The following CKAP5 variants were observed in gnomAD, a reference collection of about 807,000 sequenced individuals.
The protein encoded by CKAP5 is cytoskeleton-associated protein 5.
In CKAP5, 27 loss-of-function variants were observed where a neutral mutation model predicts 232.8. The ratio of observed to expected loss-of-function variants is 0.12; its 90% CI spans 0.09 to 0.16. CKAP5 has a LOEUF of 0.16. CKAP5 is among the 10% of genes least tolerant of loss of function. CKAP5 has a pLI of 1.00. For synonymous variants in CKAP5, 785 were observed against 841.1 expected (o/e 0.93, Z 1.16); for missense variants, 1,838 against 2,424.7 (o/e 0.76, Z 5.08).
intron 25 of CKAP5, among the ~76,000 whole-genome samples, chr11:46,770,445 T>A (rs550596512): frequency 3.9e-5 from 6 of 152,344 alleles, no homozygotes; most frequent in African/African-American, 4.8e-5. Context: ...ATATATATAT[T>A]TTTAAGACAG....
intron 23 of CKAP5, among the ~76,000 whole-genome samples, chr11:46,777,165 G>A (rs2065298769): frequency 6.6e-6 from 1 of 152,058 alleles, no homozygotes; most frequent in Non-Finnish European, 1.5e-5. Flanking sequence ...CTTACATACA[G>A]ACTCATTTAA....
chr11:46,762,491 A>C, intron 31 of CKAP5, 136 bp downstream of exon 31: 4 of 1,102,026 alleles, frequency 3.6e-6, no homozygotes, highest in East Asian at 2.4e-5. Flanking sequence ...GCAACTCATC[A>C]CTCTCACAGT....
At chr11:46,827,398 G>T (rs867167357) in intron 1 of CKAP5, among the ~76,000 whole-genome samples, 77 of 152,208 alleles carry the variant, frequency 5.1e-4, no homozygotes, top group African/African-American at 1.8e-3. Context: ...TACAAGATGG[G>T]CAGGAAGGTA....
intron 15 of CKAP5, among the ~76,000 whole-genome samples, chr11:46,789,633 A>T (rs1042864106): frequency 3.3e-5 from 5 of 151,766 alleles, no homozygotes; most frequent in Non-Finnish European, 7.4e-5. Context: ...CATCTCTACT[A>T]AAAATCCAAA....
chr11:46,784,092 G>A (rs1021077739), intron 17 of CKAP5, among the ~76,000 whole-genome samples: 1 of 151,912 alleles, frequency 6.6e-6, no homozygotes, highest in African/African-American at 2.4e-5. Flanking sequence ...CAAAGGGCCG[G>A]GCATGGTGGC....
At chr11:46,830,644 A>G (rs1939769883) in intron 1 of CKAP5, among the ~76,000 whole-genome samples, 1 of 152,056 alleles carries the variant, frequency 6.6e-6, no homozygotes, top group Non-Finnish European at 1.5e-5. Flanking sequence ...ATACTGTGAG[A>G]GAATAAATCC....
chr11:46,746,982 A>G (rs753607623), intron 42 of CKAP5, among the ~76,000 whole-genome samples: 9 of 152,058 alleles, frequency 5.9e-5, no homozygotes, highest in Non-Finnish European at 1.3e-4. Flanking sequence ...CTAAAAATAC[A>G]CACAAAAAAT....
At chr11:46,759,883 G>A (rs896246415) in intron 33 of CKAP5, among the ~76,000 whole-genome samples, 2 of 152,214 alleles carry the variant, frequency 1.3e-5, no homozygotes, top group South Asian at 2.1e-4. Context: ...ATTCCATGCC[G>A]TGTTCAGCAC....
chr11:46,823,878 G>A (rs951117326), intron 1 of CKAP5, among the ~76,000 whole-genome samples: 2 of 152,140 alleles, frequency 1.3e-5, no homozygotes, highest in Admixed American at 1.3e-4. Context: ...GCGGTCCTCC[G>A]TAATTCTCCA....
chr11:46,763,283 G>T, intron 29 of CKAP5, 104 bp from the exon 30 acceptor site: 1 of 1,112,370 alleles, frequency 9.0e-7, no homozygotes, highest in Non-Finnish European at 1.3e-6. Context: ...AAAAGAAAAT[G>T]ACAGATTTTT....
intron 8 of CKAP5, among the ~76,000 whole-genome samples, chr11:46,807,779 C>CT (rs1939191171): frequency 6.6e-6 from 1 of 152,168 alleles, no homozygotes; most frequent in Non-Finnish European, 1.5e-5. Flanking sequence ...CAGCAACTCT[C>CT]TTTTCCTAGA....
intron 1 of CKAP5, among the ~76,000 whole-genome samples, chr11:46,833,126 G>A (rs187066561): frequency 2.6e-4 from 39 of 152,098 alleles, no homozygotes; most frequent in African/African-American, 5.8e-4. Flanking sequence ...AGAGTATGAC[G>A]GAGGAATCTA....
chr11:46,750,261 C>T lies in CKAP5; in HGVS notation c.5704+13G>A, dbSNP rs1401340840. On this transcript the variant is annotated intron_variant, in intron 42 of 43. Coordinates refer to ENST00000529230, the MANE Select transcript of CKAP5 (RefSeq NM_001008938.4). ...TTTGAGCTTATTCCTGGAGCTATAA[C>T]AGGAAACCATACCTGTTGAAGTGGA... is the stretch of plus-strand genomic sequence containing the variant. 5.0e-6 allele frequency: 8 copies of T among 1,611,022 alleles called. No homozygotes were observed. Among genetic ancestry groups the T allele is most frequent in the Admixed American group, 1.7e-5 (1 of 59,032 alleles).
chr11:46,782,138 GTC>G (rs1251643462), intron 18 of CKAP5, among the ~76,000 whole-genome samples: 1 of 151,894 alleles, frequency 6.6e-6, no homozygotes, highest in Non-Finnish European at 1.5e-5. Flanking sequence ...CTGCCTCTCT[GTC>G]TCTGTCTCTC....
At chr11:46,814,307 A>G (rs776969807) in intron 4 of CKAP5, among the ~76,000 whole-genome samples, 2 of 152,156 alleles carry the variant, frequency 1.3e-5, no homozygotes, top group African/African-American at 2.4e-5. Context: ...TCTGCTTACT[A>G]TATTGTAATA....
chr11:46,776,908 C>T lies in CKAP5; in HGVS notation c.2863-525G>A, dbSNP rs565320694. 2.8e-4 allele frequency among the ~76,000 whole-genome samples: 42 copies of T among 152,082 alleles called. No homozygotes were observed. In the East Asian group the frequency reaches 4.0e-3, roughly 15 times the overall value. ...TAGAGATATTCAAATATTTAGTCTA[C>T]GGCTAAACATTGTAACCTTCAATGA... is the stretch of plus-strand genomic sequence containing the variant. On this transcript the variant is annotated intron_variant, in intron 23 of 43. Transcript: ENST00000529230.
chr11:46,751,315 C>G (rs1223819055), intron 39 of CKAP5, 31 bp downstream of exon 39: 2 of 1,613,910 alleles, frequency 1.2e-6, no homozygotes, highest in Admixed American at 3.3e-5. Flanking sequence ...CTCTCAAGCT[C>G]CCTCAGAGAC....
At chr11:46,790,248 T>C in intron 14 of CKAP5, 62 bp from the exon 15 acceptor site, 1 of 1,163,280 alleles carries the variant, frequency 8.6e-7, no homozygotes, top group Non-Finnish European at 1.3e-6. Context: ...GACAAGAACG[T>C]AAACATACTC....
chr11:46,782,245 T>G (rs1194485964), intron 18 of CKAP5, among the ~76,000 whole-genome samples: 1 of 152,240 alleles, frequency 6.6e-6, no homozygotes, highest in Non-Finnish European at 1.5e-5. Flanking sequence ...GTTCATGATG[T>G]ATTCTGAAGG....
Sources: gnomAD v4.1 joint callset for allele counts (sites outside exome capture counted in the v4.1 genomes callset) on GRCh38, gnomAD v4.1.1 for gene constraint, MANE v1.5 for transcripts, NCBI Gene and HGNC (gene_info 2026-07-23, HGNC 2026-07-21) for gene names.